AK5: variants seen among roughly 807,000 people sequenced by gnomAD.
The protein encoded by AK5 is adenylate kinase isoenzyme 5.
In AK5, 27 loss-of-function variants were observed where a neutral mutation model predicts 69.5. The ratio of observed to expected loss-of-function variants is 0.39; its 90% confidence interval spans 0.29 to 0.54. The LOEUF is 0.54. Ranked by LOEUF, AK5 falls within the 20% of genes least tolerant of loss-of-function variation. The pLI, the probability that AK5 is intolerant of heterozygous loss-of-function variation, is 0.71. For missense variants in AK5, 531 were observed against 700.4 expected, an observed-to-expected ratio of 0.76 and a Z score of 2.73; for synonymous variants, 260 against 244.4, an observed-to-expected ratio of 1.06 and a Z score of -0.60.
chr1:77,514,262 G>T (rs552048782), intron 10 of AK5, among the ~76,000 whole-genome samples: 1 of 152,214 alleles, frequency 6.6e-6, no homozygotes, highest in African/African-American at 2.4e-5. Context: ...CTTGGGTAAT[G>T]GTACACTAAA....
intron 6 of AK5, among the ~76,000 whole-genome samples, chr1:77,343,513 A>G (rs147270977): frequency 2.0e-5 from 3 of 152,318 alleles, no homozygotes; most frequent in African/African-American, 7.2e-5. Flanking sequence ...TATGTATAAC[A>G]TGGTAGATGA....
Position 77,521,938 on chromosome 1 carries a change from C to A in AK5, c.1423C>A (p.Arg475Ser), listed in dbSNP as rs554863447. Residue 475 changes from arginine (R) to serine (S), a missense_variant, in exon 12 of 14, where the codon CGC becomes AGC. Arg to Ser is a moderately radical substitution (Grantham distance 110, BLOSUM62 -1). Transcript: ENST00000354567. Reference protein sequence around the residue: ...REVKQGEEFGRRIGDPQLVIC... With the variant: ...REVKQGEEFGSRIGDPQLVIC... ...GGTGAAGCAAGGGGAAGAGTTCGGA[C>A]GCAGGGTGAGTGGTTGTTACGGGCA... 15 of 1,605,644 alleles carry A rather than the reference C, an allele frequency of 9.3e-6. No individual in the cohort carries two copies. The highest frequency in any genetic ancestry group is 1.3e-5 in the Non-Finnish European group (15 of 1,176,186).
At chr1:77,411,167 A>G (rs761987446) in intron 7 of AK5, 96 bp downstream of exon 7, 25 of 972,048 alleles carry the variant, frequency 2.6e-5, no homozygotes, top group Non-Finnish European at 3.7e-5. Context: ...AAACTGCTGC[A>G]AGTTTTGAAG....
At chr1:77,484,181 G>A (rs950592383) in intron 9 of AK5, among the ~76,000 whole-genome samples, 1 of 149,208 alleles carries the variant, frequency 6.7e-6, no homozygotes, top group Non-Finnish European at 1.5e-5. Flanking sequence ...AAAAAGTCTT[G>A]CAAAAAGTAA....
At chr1:77,514,701 G>A (rs1345596697) in intron 10 of AK5, among the ~76,000 whole-genome samples, 2 of 152,198 alleles carry the variant, frequency 1.3e-5, no homozygotes, top group Non-Finnish European at 2.9e-5. Flanking sequence ...ACACACAGCT[G>A]TTGTTAATTT....
chr1:77,557,953 TGAC>T (rs1281501547), intron 13 of AK5, among the ~76,000 whole-genome samples: 6 of 151,804 alleles, frequency 4.0e-5, no homozygotes, highest in African/African-American at 1.5e-4. Context: ...CCTCCAGTTT[TGAC>T]TTTTCCAGAA....
chr1:77,336,886 T>C (rs1395583763), intron 5 of AK5, among the ~76,000 whole-genome samples: 1 of 152,208 alleles, frequency 6.6e-6, no homozygotes, highest in African/African-American at 2.4e-5. Flanking sequence ...TTTAAATATG[T>C]CATGCTACTC....
chr1:77,482,737 C>T (rs111361885), intron 8 of AK5, among the ~76,000 whole-genome samples: 2 of 150,168 alleles, frequency 1.3e-5, no homozygotes, highest in African/African-American at 2.5e-5. Context: ...CACCACTGCG[C>T]TCCAGCCTGG....
intron 6 of AK5, among the ~76,000 whole-genome samples, chr1:77,389,679 AGGCTGGGCACGAT>A (rs1648282664): frequency 6.6e-6 from 1 of 152,222 alleles, no homozygotes; most frequent in Non-Finnish European, 1.5e-5. Flanking sequence ...TTGTTTTTTA[AGGCTGGGCACGAT>A]GGCTCATGCC....
At chr1:77,442,472 G>A (rs1415037159) in intron 8 of AK5, among the ~76,000 whole-genome samples, 1 of 152,154 alleles carries the variant, frequency 6.6e-6, no homozygotes, top group Non-Finnish European at 1.5e-5. Flanking sequence ...GACAGGAGCT[G>A]CTGCGATCCT....
chr1:77,308,350 A>G (rs954906026), intron 5 of AK5, among the ~76,000 whole-genome samples: 1 of 149,308 alleles, frequency 6.7e-6, no homozygotes, highest in African/African-American at 2.5e-5. Context: ...TTGGCTTTGT[A>G]TAGTAGTTTC....
intron 8 of AK5, among the ~76,000 whole-genome samples, chr1:77,449,776 G>A (rs1653020997): frequency 6.6e-6 from 1 of 152,136 alleles, no homozygotes; most frequent in Admixed American, 6.5e-5. Context: ...GGGTTGACAT[G>A]CCCTGGAGAC....
intron 10 of AK5, among the ~76,000 whole-genome samples, chr1:77,494,080 G>A (rs1219383352): frequency 6.6e-6 from 1 of 152,182 alleles, no homozygotes. Context: ...GACTCATCTA[G>A]AAGGGCAAAT....
rs146436310 is a variant in AK5 at position 77,340,228 on chromosome 1, A to G, written c.700-149A>G. 117 of 684,402 alleles carry G rather than the reference A, an allele frequency of 1.7e-4. 1 individual carries two copies. The African/African-American group carries it at 2.0e-3, about 12-fold the overall frequency. 42.4% of individuals were successfully genotyped at this position (684,402 alleles called of 1,614,324 possible). ...GGAATGGCTGCTCCTGGCCTTGGGT[A>G]GAGCAGCAGCCCTGGAAATACACTG... is the stretch of plus-strand genomic sequence containing the variant. On this transcript the variant is annotated intron_variant, in intron 5 of 13. Coordinates refer to ENST00000354567, the MANE Select transcript of AK5 (RefSeq NM_174858.3).
chr1:77,529,558 C>CAG (rs1557656453), intron 12 of AK5, among the ~76,000 whole-genome samples: 1 of 152,088 alleles, frequency 6.6e-6, no homozygotes, highest in Non-Finnish European at 1.5e-5. Flanking sequence ...CTCCTGACCT[C>CAG]GTGATCTGCC....
chr1:77,443,417 G>T (rs746695800), intron 8 of AK5, among the ~76,000 whole-genome samples: 1 of 152,114 alleles, frequency 6.6e-6, no homozygotes, highest in Non-Finnish European at 1.5e-5. Flanking sequence ...ACCTCTTCAA[G>T]CCTGCATTTG....
intron 13 of AK5, among the ~76,000 whole-genome samples, chr1:77,550,783 G>T (rs1557669364): frequency 6.6e-6 from 1 of 152,208 alleles, no homozygotes; most frequent in Non-Finnish European, 1.5e-5. Flanking sequence ...TGAGACTTAG[G>T]AAGAGTCGAG....
intron 5 of AK5, among the ~76,000 whole-genome samples, chr1:77,304,154 A>G (rs985473503): frequency 6.6e-6 from 1 of 152,042 alleles, no homozygotes; most frequent in African/African-American, 2.4e-5. Context: ...CCCCCGACAC[A>G]TCCGCAACCC....
intron 10 of AK5, among the ~76,000 whole-genome samples, chr1:77,495,708 G>T (rs1656273601): frequency 6.6e-6 from 1 of 152,130 alleles, no homozygotes; most frequent in Non-Finnish European, 1.5e-5. Flanking sequence ...ATGCTGAGTG[G>T]GTCTGAGGGA....
Sources: allele counts gnomAD v4.1 joint callset (sites outside exome capture counted in the v4.1 genomes callset), GRCh38; gene constraint gnomAD v4.1.1; transcripts MANE v1.5; gene names NCBI Gene and HGNC (gene_info 2026-07-23, HGNC 2026-07-21).